The following HTR2C variants were observed in gnomAD, a reference collection of about 807,000 sequenced individuals.
The protein encoded by HTR2C is 5-hydroxytryptamine (serotonin) receptor 2C, G protein-coupled.
A neutral mutation model predicts 21.0 loss-of-function variants in HTR2C; 5 were observed. The observed-to-expected ratio is 0.24, with a 90% CI of 0.12 to 0.50. The LOEUF is 0.50. Among genes scored for constraint, HTR2C ranks in the 20% least tolerant of loss-of-function variants. The pLI is 0.98. For synonymous variants in HTR2C, 150 were observed against 145.3 expected, an observed-to-expected ratio of 1.03 and a Z score of -0.23; for missense variants, 271 against 371.2, an observed-to-expected ratio of 0.73 and a Z score of 2.22.
intron 1 of HTR2C, among the ~76,000 whole-genome samples, chrX:114,607,767 G>A (rs1408205454): frequency 9.0e-6 from 1 of 111,291 alleles, no homozygotes; most frequent in Non-Finnish European, 1.9e-5. Flanking sequence ...CAAGGTGGGT[G>A]GATCACCTGA....
At chrX:114,612,985 TGGA>T (rs2147805009) in intron 1 of HTR2C, among the ~76,000 whole-genome samples, 1 of 110,158 alleles carries the variant, frequency 9.1e-6, no homozygotes, top group East Asian at 2.9e-4. Context: ...TCACCCAGGC[TGGA>T]GTGCAGCGGC....
chrX:114,704,932 A>T (rs1932720906), intron 2 of HTR2C, among the ~76,000 whole-genome samples: 1 of 107,527 alleles, frequency 9.3e-6, no homozygotes, highest in African/African-American at 3.4e-5. Flanking sequence ...CGGAGAGCCA[A>T]ATCATGAGTG....
chrX:114,689,208 G>GTGTATATATA (rs1556414750), intron 2 of HTR2C, among the ~76,000 whole-genome samples: 4 of 72,721 alleles, frequency 5.5e-5, no homozygotes, highest in Admixed American at 1.8e-4. Flanking sequence ...GTATGTATGC[G>GTGTATATATA]TATATATATA....
At chrX:114,870,982 T>G (rs1556476366) in intron 5 of HTR2C, among the ~76,000 whole-genome samples, 1 of 111,632 alleles carries the variant, frequency 9.0e-6, no homozygotes, top group Non-Finnish European at 1.9e-5. Context: ...TTTGGTTTCC[T>G]CTTGCTTTTT....
chrX:114,704,243 A>G (rs1166088383), intron 2 of HTR2C, among the ~76,000 whole-genome samples: 1 of 111,602 alleles, frequency 9.0e-6, no homozygotes, highest in Non-Finnish European at 1.9e-5. Flanking sequence ...AAAGCTGGGC[A>G]GAGACACAAC....
At chrX:114,635,679 G>A (rs1929814769) in intron 2 of HTR2C, among the ~76,000 whole-genome samples, 1 of 111,834 alleles carries the variant, frequency 8.9e-6, no homozygotes, top group African/African-American at 3.2e-5. Context: ...TAAGGACTAT[G>A]TAAATGATTT....
intron 2 of HTR2C, among the ~76,000 whole-genome samples, chrX:114,707,465 T>C (rs1556418475): frequency 9.0e-6 from 1 of 111,434 alleles, no homozygotes; most frequent in Non-Finnish European, 1.9e-5. Flanking sequence ...AAATATGTAT[T>C]ACAAGTTCAT....
At chrX:114,671,836 T>A (rs1258833775) in intron 2 of HTR2C, among the ~76,000 whole-genome samples, 2 of 111,959 alleles carry the variant, frequency 1.8e-5, no homozygotes, top group African/African-American at 6.5e-5. Context: ...AAAGTAAAAT[T>A]AAATATTCAA....
At chrX:114,823,502 CAT>C (rs1556457109) in intron 4 of HTR2C, 1 of 348,190 alleles carries the variant, frequency 2.9e-6, no homozygotes, top group Non-Finnish European at 5.8e-6. Flanking sequence ...ATCCCTATTT[CAT>C]ATAAGAGGGG....
intron 5 of HTR2C, among the ~76,000 whole-genome samples, chrX:114,853,391 T>C (rs936059435): frequency 2.1e-4 from 24 of 111,680 alleles, no homozygotes; most frequent in Non-Finnish European, 4.0e-4. Context: ...ATCTTGTCAA[T>C]CAGATTTCCT....
intron 2 of HTR2C, among the ~76,000 whole-genome samples, chrX:114,719,004 TA>T (rs1556420237): frequency 6.9e-5 from 7 of 101,196 alleles, no homozygotes; most frequent in East Asian, 3.0e-4. Context: ...TAATATATAA[TA>T]ATAATATAAA....
At chrX:114,740,224 T>A (rs1556425104) in intron 4 of HTR2C, among the ~76,000 whole-genome samples, 1 of 109,788 alleles carries the variant, frequency 9.1e-6, no homozygotes, top group East Asian at 2.8e-4. Context: ...ATATGTTTAA[T>A]CTCAATCATT....
chrX:114,839,913 T>C (rs2070818990), intron 4 of HTR2C, among the ~76,000 whole-genome samples: 3 of 109,805 alleles, frequency 2.7e-5, no homozygotes. Context: ...ACCTAAGAAA[T>C]GATAAATGAA....
chrX:114,841,005 C>A lies in HTR2C; in HGVS notation c.350-6998C>A, dbSNP rs782212722. Among the ~76,000 whole-genome samples, 171 of 111,892 alleles carry A rather than the reference C, an allele frequency of 1.5e-3. 2 individuals are homozygous for A. The highest frequency in any genetic ancestry group is 1.2e-3 in the Non-Finnish European group (66 of 53,166). ...TATCAAGAATGAAGCACCAGTTCAT[C>A]AGTCTGTATCTTGACATATCCTTCA... On this transcript the variant is annotated intron_variant, in intron 4 of 5. Coordinates refer to ENST00000276198, the MANE Select transcript of HTR2C (RefSeq NM_000868.4).
At chrX:114,837,771 T>C in intron 4 of HTR2C, among the ~76,000 whole-genome samples, 1 of 111,328 alleles carries the variant, frequency 9.0e-6, no homozygotes, top group Non-Finnish European at 1.9e-5. Context: ...AGTTAGTTTA[T>C]ACTCTTATCA....
intron 5 of HTR2C, among the ~76,000 whole-genome samples, chrX:114,852,222 T>C (rs926915179): frequency 1.8e-5 from 2 of 110,856 alleles, no homozygotes; most frequent in African/African-American, 6.5e-5. Flanking sequence ...ATTGTTCACA[T>C]TTAGGGATTT....
chrX:114,766,948 T>C (rs1351035454), intron 4 of HTR2C, among the ~76,000 whole-genome samples: 1 of 111,599 alleles, frequency 9.0e-6, no homozygotes, highest in Non-Finnish European at 1.9e-5. Flanking sequence ...TTGTTTCTTT[T>C]AAAGGAAGAG....
At chrX:114,751,872 C>G (rs184111851) in intron 4 of HTR2C, among the ~76,000 whole-genome samples, 1 of 111,645 alleles carries the variant, frequency 9.0e-6, no homozygotes, top group East Asian at 2.8e-4. Flanking sequence ...TTCCTACTCA[C>G]TCCAAATTTC....
At chrX:114,720,527 T>TA (rs1438279213) in intron 2 of HTR2C, among the ~76,000 whole-genome samples, 2 of 105,283 alleles carry the variant, frequency 1.9e-5, no homozygotes, top group African/African-American at 3.4e-5. Context: ...TTTTTTTTTT[T>TA]AATTATACTT....
Sources: gnomAD v4.1 joint callset for allele counts (sites outside exome capture counted in the v4.1 genomes callset) on GRCh38, gnomAD v4.1.1 for gene constraint, MANE v1.5 for transcripts, NCBI Gene and HGNC (gene_info 2026-07-23, HGNC 2026-07-21) for gene names.